The following CNTN1 variants were observed in gnomAD, a reference collection of about 807,000 sequenced individuals.
CNTN1 encodes the protein contactin-1.
CNTN1 carries 38 observed loss-of-function variants against 126.4 expected under a neutral mutation model. The ratio of observed to expected loss-of-function variants is 0.30; its 90% confidence interval spans 0.23 to 0.39. The LOEUF (loss-of-function observed/expected upper bound fraction) is 0.39, where lower values mean the gene tolerates loss of function less well. Ranked by LOEUF, CNTN1 falls within the 10% of genes least tolerant of loss-of-function variation. The probability of loss-of-function intolerance (pLI) is 1.00; values close to 1 mark genes in which losing one functional copy is unlikely to be tolerated. For synonymous variants in CNTN1, 413 were observed against 422.6 expected (o/e 0.98, Z 0.28); for missense variants, 1,009 against 1,248.4 (o/e 0.81, Z 2.89).
intron 17 of CNTN1, among the ~76,000 whole-genome samples, chr12:41,000,928 C>T (rs1854083695): frequency 1.3e-5 from 2 of 152,174 alleles, no homozygotes; most frequent in African/African-American, 4.8e-5. Context: ...ATAATGACTT[C>T]CTGCTCCATC....
At chr12:40,846,014 A>ATGAATTC (rs1453535574) in intron 1 of CNTN1, among the ~76,000 whole-genome samples, 1 of 152,216 alleles carries the variant, frequency 6.6e-6, no homozygotes, top group African/African-American at 2.4e-5. Context: ...GTGATCTAAA[A>ATGAATTC]TGAATTCAGC....
intron 1 of CNTN1, among the ~76,000 whole-genome samples, chr12:40,804,442 GAC>G (rs1383975824): frequency 6.6e-6 from 1 of 151,972 alleles, no homozygotes; most frequent in Non-Finnish European, 1.5e-5. Flanking sequence ...CCCTTCAAGA[GAC>G]TGTATGTTTG....
intron 20 of CNTN1, 65 bp from the exon 21 acceptor site, chr12:41,025,085 G>A: frequency 1.3e-6 from 2 of 1,521,962 alleles, no homozygotes; most frequent in Non-Finnish European, 1.8e-6. Context: ...ACCAGTTGAA[G>A]AGAACTTTTC....
chr12:40,818,664 C>T (rs995893960), intron 1 of CNTN1, among the ~76,000 whole-genome samples: 7 of 152,190 alleles, frequency 4.6e-5, no homozygotes, highest in Non-Finnish European at 8.8e-5. Flanking sequence ...CTGAAGCCTA[C>T]TTCAGTCAAT....
intron 16 of CNTN1, among the ~76,000 whole-genome samples, chr12:40,986,864 TC>T (rs1368747932): frequency 6.6e-6 from 1 of 152,174 alleles, no homozygotes; most frequent in Non-Finnish European, 1.5e-5. Context: ...TTCTTTGATC[TC>T]CCCACGTTTT....
In CNTN1 at chr12:40,906,669, C is replaced by CTTTTTTTTTTTTTTTTTTTTTTTTT. The variant is rs111442544; in HGVS notation, c.-76-1679_-76-1678insTTTTTTTTTTTTTTTTTTTTTTTTT. Reference sequence around the variant, plus strand: ...TTTCCTTTTAAAATTGTTTTTCATGCTTTTTTTTTGTTTTGTTTTTTTTGA... The same window carrying CTTTTTTTTTTTTTTTTTTTTTTTTT: ...TTTCCTTTTAAAATTGTTTTTCATGCTTTTTTTTTTTTTTTTTTTTTTTTTTTTTTTTTTGTTTTGTTTTTTTTGA... On this transcript the variant is annotated intron_variant, in intron 1 of 23. Coordinates refer to ENST00000551295, the MANE Select transcript of CNTN1 (RefSeq NM_001843.4). Among the ~76,000 whole-genome samples, 8 of 107,208 alleles carry CTTTTTTTTTTTTTTTTTTTTTTTTT rather than the reference C, an allele frequency of 7.5e-5. 1 individual carries two copies. Among genetic ancestry groups the CTTTTTTTTTTTTTTTTTTTTTTTTT allele is most frequent in the African/African-American group, 1.5e-4 (4 of 27,216 alleles). 70.3% of individuals were successfully genotyped at this position (107,208 alleles called of 152,430 possible).
At chr12:41,023,706 A>T (rs1032865502) in intron 20 of CNTN1, among the ~76,000 whole-genome samples, 4 of 152,234 alleles carry the variant, frequency 2.6e-5, no homozygotes, top group Non-Finnish European at 4.4e-5. Context: ...TGTATAGTCT[A>T]CTCAAATATT....
intron 1 of CNTN1, among the ~76,000 whole-genome samples, chr12:40,758,425 C>T (rs888665864): frequency 2.0e-5 from 3 of 151,526 alleles, no homozygotes; most frequent in Admixed American, 2.0e-4. Flanking sequence ...TGGTCTTTTT[C>T]GAAGTAAAAA....
intron 1 of CNTN1, among the ~76,000 whole-genome samples, chr12:40,722,920 G>T (rs759211411): frequency 2.6e-5 from 4 of 152,014 alleles, no homozygotes; most frequent in Non-Finnish European, 5.9e-5. Flanking sequence ...TAAAGGAAAG[G>T]TGTTTTGAAG....
chr12:40,963,037 C>G (rs1390497613), intron 15 of CNTN1, among the ~76,000 whole-genome samples: 1 of 152,004 alleles, frequency 6.6e-6, no homozygotes, highest in Non-Finnish European at 1.5e-5. Flanking sequence ...CTGGCAAAAG[C>G]AGATTATCTA....
intron 1 of CNTN1, among the ~76,000 whole-genome samples, chr12:40,800,771 A>T (rs1375656699): frequency 1.3e-5 from 2 of 152,040 alleles, no homozygotes; most frequent in East Asian, 3.9e-4. Context: ...ATTCTCAAAG[A>T]GCTGAGGAGA....
Position 41,044,148 on chromosome 12 carries a change from A to G in CNTN1, c.2980+14929A>G, listed in dbSNP as rs183781967. ...CATGTACCCTAAAACTTAAAGTATA[A>G]TAATAATAAAATAAATAAAAAAATA... On this transcript the variant is annotated intron_variant, in intron 23 of 23. Coordinates refer to ENST00000551295, the MANE Select transcript of CNTN1 (RefSeq NM_001843.4). 7.7e-3 allele frequency among the ~76,000 whole-genome samples: 1,175 copies of G among 151,924 alleles called. 11 individuals are homozygous for G. Among genetic ancestry groups the G allele is most frequent in the African/African-American group, 0.027 (1,127 of 41,486 alleles).
chr12:41,019,185 T>C (rs541244306), intron 19 of CNTN1, among the ~76,000 whole-genome samples: 2 of 152,236 alleles, frequency 1.3e-5, no homozygotes, highest in Non-Finnish European at 2.9e-5. Context: ...CAATGAAATA[T>C]GATAACTTCA....
intron 17 of CNTN1, among the ~76,000 whole-genome samples, chr12:41,002,309 TG>T (rs1334851189): frequency 4.4e-4 from 54 of 123,056 alleles, no homozygotes; most frequent in Middle Eastern, 3.8e-3. Context: ...ATCTCTGATT[TG>T]TTTGAGCAGT....
chr12:41,046,282 TA>T (rs940331677), intron 23 of CNTN1, among the ~76,000 whole-genome samples: 48 of 152,186 alleles, frequency 3.2e-4, no homozygotes, highest in Admixed American at 3.9e-4. Flanking sequence ...ACTTGGATGG[TA>T]AAAAATTACA....
chr12:40,723,073 T>C (rs540963178), intron 1 of CNTN1, among the ~76,000 whole-genome samples: 74 of 152,178 alleles, frequency 4.9e-4, no homozygotes, highest in African/African-American at 1.5e-3. Flanking sequence ...ATAATAAAAG[T>C]AGCCGCCATA....
chr12:40,693,852 C>CT (rs1012873178), intron 1 of CNTN1, among the ~76,000 whole-genome samples: 1 of 152,134 alleles, frequency 6.6e-6, no homozygotes, highest in Non-Finnish European at 1.5e-5. Flanking sequence ...TGCTGAAACC[C>CT]TGCGTGAAAT....
At chr12:40,926,169 A>AAGGATAGATAGATAGATAGAT (rs1945679408) in intron 6 of CNTN1, among the ~76,000 whole-genome samples, 1 of 136,504 alleles carries the variant, frequency 7.3e-6, no homozygotes, top group East Asian at 2.1e-4. Context: ...ATTGCTAAAT[A>AAGGATAGATAGATAGATAGAT]AGGATAGATA....
intron 1 of CNTN1, among the ~76,000 whole-genome samples, chr12:40,904,069 A>G: frequency 6.6e-6 from 1 of 152,028 alleles, no homozygotes; most frequent in East Asian, 1.9e-4. Flanking sequence ...CCTAGGCTGG[A>G]GTGCAGTGGC....
Sources: allele counts gnomAD v4.1 joint callset (sites outside exome capture counted in the v4.1 genomes callset), GRCh38; gene constraint gnomAD v4.1.1; transcripts MANE v1.5; gene names NCBI Gene and HGNC (gene_info 2026-07-23, HGNC 2026-07-21).